The following SLAIN2 variants were observed in gnomAD, a reference collection of about 807,000 sequenced individuals.
The protein encoded by SLAIN2 is SLAIN family member 2.
A neutral mutation model predicts 56.6 loss-of-function variants in SLAIN2; 31 were observed. The ratio of observed to expected loss-of-function variants is 0.55; its 90% CI spans 0.41 to 0.74. The LOEUF (loss-of-function observed/expected upper bound fraction) is 0.74, where lower values mean the gene tolerates loss of function less well. Among genes scored for constraint, SLAIN2 ranks in the 30% least tolerant of loss-of-function variants. SLAIN2 has a pLI of 0.00. For missense variants in SLAIN2, 777 were observed against 754.2 expected, an observed-to-expected ratio of 1.03 and a Z score of -0.35; for synonymous variants, 317 against 284.9, an observed-to-expected ratio of 1.11 and a Z score of -1.13.
chr4:48,378,384 T>G (rs1715882354), intron 3 of SLAIN2, among the ~76,000 whole-genome samples: 3 of 152,206 alleles, frequency 2.0e-5, no homozygotes, highest in South Asian at 4.1e-4. Flanking sequence ...TTGTAAAAAC[T>G]ACAGAGTTAA....
chr4:48,370,265 C>G (rs994495123), intron 2 of SLAIN2, among the ~76,000 whole-genome samples: 7 of 152,034 alleles, frequency 4.6e-5, no homozygotes, highest in African/African-American at 1.4e-4. Context: ...AAGCTTTTTT[C>G]TAATACAAGT....
At chr4:48,389,549 G>T (rs1281776083) in intron 6 of SLAIN2, among the ~76,000 whole-genome samples, 1 of 152,240 alleles carries the variant, frequency 6.6e-6, no homozygotes, top group Non-Finnish European at 1.5e-5. Context: ...AGGAACCTCT[G>T]TGGGAACAGA....
At chr4:48,380,903 T>C (rs991534238) in intron 4 of SLAIN2, among the ~76,000 whole-genome samples, 19 of 152,186 alleles carry the variant, frequency 1.2e-4, no homozygotes, top group South Asian at 2.1e-4. Flanking sequence ...CTAAAGTGTT[T>C]CTTATTCTGC....
chr4:48,408,890 A>G (rs1716773470), intron 6 of SLAIN2, among the ~76,000 whole-genome samples: 1 of 152,106 alleles, frequency 6.6e-6, no homozygotes, highest in Admixed American at 6.5e-5. Flanking sequence ...CCCTATACAG[A>G]TGTACCATAT....
rs1231550889 is a variant in SLAIN2, at chr4:48,422,896, A to G, written c.*819A>G. 6.6e-6 allele frequency: 1 copy of G among 152,222 alleles called. No homozygotes were observed. Among genetic ancestry groups the G allele is most frequent in the Non-Finnish European group, 1.5e-5 (1 of 68,032 alleles). 9.4% of individuals were successfully genotyped at this position (152,222 alleles called of 1,614,324 possible). A position where few individuals can be genotyped will look rare whatever the true frequency, so the allele number is the denominator to read the frequency against. ...AAGATGGCCTTTGCTATTGAAGCCA[A>G]CTTCTTCACATGCTGTTATCTTTAC... is the stretch of plus-strand genomic sequence containing the variant. On this transcript the variant is annotated 3_prime_UTR_variant, in exon 8 of 8. Coordinates refer to ENST00000264313, the MANE Select transcript of SLAIN2 (RefSeq NM_020846.2).
At chr4:48,399,516 C>T (rs1716492722) in intron 6 of SLAIN2, among the ~76,000 whole-genome samples, 1 of 152,236 alleles carries the variant, frequency 6.6e-6, no homozygotes, top group South Asian at 2.1e-4. Flanking sequence ...ACCTGATTGC[C>T]CTGACCAGAC....
At position 48,422,853 on chromosome 4, in the gene SLAIN2, A is replaced by C. The variant is rs1469439573; in HGVS notation, c.*776A>C. On this transcript the variant is annotated 3_prime_UTR_variant, in exon 8 of 8. Coordinates refer to ENST00000264313, the MANE Select transcript of SLAIN2 (RefSeq NM_020846.2). Reference sequence around the variant, plus strand: ...CAGTTGTACAATCTTTCTGAACTTTATAGTTCCTGGCTCAGGAAAGATGGC... The same window carrying C: ...CAGTTGTACAATCTTTCTGAACTTTCTAGTTCCTGGCTCAGGAAAGATGGC... 1.3e-5 allele frequency: 2 copies of C among 152,218 alleles called. No individual in the cohort carries two copies. The highest frequency in any genetic ancestry group is 4.8e-5 in the African/African-American group (2 of 41,466). 9.4% of individuals were successfully genotyped at this position (152,218 alleles called of 1,614,324 possible).
intron 6 of SLAIN2, among the ~76,000 whole-genome samples, chr4:48,384,825 GTATTACACAA>G (rs962374581): frequency 2.0e-5 from 3 of 152,132 alleles, no homozygotes; most frequent in Non-Finnish European, 4.4e-5. Context: ...ACATTCTGCA[GTATTACACAA>G]TAAAAATGAT....
In SLAIN2 at chr4:48,422,113, A is replaced by C; in HGVS notation, c.*36A>C. On this transcript the variant is annotated 3_prime_UTR_variant, in exon 8 of 8. Transcript: ENST00000264313. ...CAAGAATGCAGAAGTCCACGGCTTC[A>C]TGGATACCCTTCACCAGGCTAAAAA... 6.4e-7 allele frequency: 1 copy of C among 1,562,266 alleles called. No individual in the cohort carries two copies. Among genetic ancestry groups the C allele is most frequent in the Non-Finnish European group, 8.8e-7 (1 of 1,139,864 alleles).
At position 48,425,599 on chromosome 4, in the gene SLAIN2, G is replaced by T. The variant is rs1717279108; in HGVS notation, c.*3522G>T. 6.6e-6 allele frequency: 1 copy of T among 152,012 alleles called. No individual in the cohort carries two copies. The highest frequency in any genetic ancestry group is 2.4e-5 in the African/African-American group (1 of 41,396). 9.4% of individuals were successfully genotyped at this position (152,012 alleles called of 1,614,324 possible). ...TACATGTTACAATTAGATTAATAGT[G>T]ATGAGAGGGAAAAAAGACACCCTTC... is the stretch of plus-strand genomic sequence containing the variant. On this transcript the variant is annotated 3_prime_UTR_variant, in exon 8 of 8. Coordinates refer to ENST00000264313, the MANE Select transcript of SLAIN2 (RefSeq NM_020846.2).
intron 6 of SLAIN2, among the ~76,000 whole-genome samples, chr4:48,384,222 AAAT>A (rs1716043846): frequency 6.6e-6 from 1 of 152,302 alleles, no homozygotes; most frequent in Admixed American, 6.5e-5. Context: ...ATCATACTCA[AAAT>A]AATCCATTGT....
chr4:48,377,812 G>C, intron 2 of SLAIN2, 84 bp from the exon 3 acceptor site: 1 of 1,293,400 alleles, frequency 7.7e-7, no homozygotes, highest in Non-Finnish European at 1.1e-6. Context: ...TAATGATTTA[G>C]TTTTCTAATA....
At chr4:48,360,552 A>G (rs1715297013) in intron 1 of SLAIN2, among the ~76,000 whole-genome samples, 1 of 152,100 alleles carries the variant, frequency 6.6e-6, no homozygotes, top group Non-Finnish European at 1.5e-5. Flanking sequence ...AGATTGTACC[A>G]CTACACTCTA....
At chr4:48,357,176 AT>A (rs1307801905) in intron 1 of SLAIN2, among the ~76,000 whole-genome samples, 1 of 151,774 alleles carries the variant, frequency 6.6e-6, no homozygotes, top group Non-Finnish European at 1.5e-5. Context: ...TGGGCCAAAT[AT>A]AATAATAAAA....
At chr4:48,397,895 G>A (rs7672892) in intron 6 of SLAIN2, among the ~76,000 whole-genome samples, 2 of 151,940 alleles carry the variant, frequency 1.3e-5, no homozygotes, top group Admixed American at 1.3e-4. Context: ...TTTCTTTATC[G>A]AGTCTGCCAT....
intron 4 of SLAIN2, among the ~76,000 whole-genome samples, chr4:48,381,403 G>C (rs1284076001): frequency 1.3e-5 from 2 of 151,712 alleles, no homozygotes; most frequent in African/African-American, 4.8e-5. Flanking sequence ...ATTGTGTTTT[G>C]TAATGATTAG....
intron 4 of SLAIN2, 140 bp from the exon 5 acceptor site, chr4:48,382,428 A>T: frequency 1.3e-6 from 1 of 751,570 alleles, no homozygotes; most frequent in South Asian, 3.1e-5. Flanking sequence ...AGCCTATATA[A>T]GTCTAAAAGC....
chr4:48,380,833 G>A (rs1176019569), intron 4 of SLAIN2, among the ~76,000 whole-genome samples: 1 of 152,174 alleles, frequency 6.6e-6, no homozygotes, highest in Non-Finnish European at 1.5e-5. Context: ...GTCTGTGTAT[G>A]TAATAGGTTC....
intron 6 of SLAIN2, among the ~76,000 whole-genome samples, chr4:48,404,537 T>TC (rs746920611): frequency 2.0e-5 from 3 of 152,186 alleles, no homozygotes; most frequent in Non-Finnish European, 4.4e-5. Context: ...AGGAGTTGTT[T>TC]CCCCTCCTAT....
Sources: gnomAD v4.1 joint callset for allele counts (sites outside exome capture counted in the v4.1 genomes callset) on GRCh38, gnomAD v4.1.1 for gene constraint, MANE v1.5 for transcripts, NCBI Gene and HGNC (gene_info 2026-07-23, HGNC 2026-07-21) for gene names.